The following CEP192 variants were observed in gnomAD, a reference collection of about 807,000 sequenced individuals.
The protein encoded by CEP192 is centrosomal protein 192, also known as centrosomal protein of 192 kDa.
Under a neutral mutation model 271.8 loss-of-function variants are expected in CEP192, and 151 were observed. That is an observed-to-expected ratio of 0.56 (90% CI 0.49 to 0.64). The LOEUF is 0.64. Among genes scored for constraint, CEP192 ranks in the 30% least tolerant of loss-of-function variants. The pLI, the probability that CEP192 is intolerant of heterozygous loss-of-function variation, is 0.00. For missense variants in CEP192, 2,910 were observed against 3,020.5 expected, an observed-to-expected ratio of 0.96 and a Z score of 0.86; for synonymous variants, 995 against 1,076.5, an observed-to-expected ratio of 0.92 and a Z score of 1.48.
intron 14 of CEP192, among the ~76,000 whole-genome samples, chr18:13,041,310 TATG>T (rs1291786006): frequency 9.9e-5 from 15 of 152,186 alleles, no homozygotes; most frequent in Admixed American, 9.8e-4. Context: ...TATGATAATC[TATG>T]ATAATTTTTA....
chr18:13,041,807 C>A (rs1310439814), intron 14 of CEP192, among the ~76,000 whole-genome samples: 1 of 152,152 alleles, frequency 6.6e-6, no homozygotes, highest in Non-Finnish European at 1.5e-5. Context: ...CTCAAGTGAT[C>A]CGCCCACCTC....
chr18:13,073,709 A>G (rs1324473652), intron 30 of CEP192, among the ~76,000 whole-genome samples: 2 of 152,212 alleles, frequency 1.3e-5, no homozygotes, highest in Admixed American at 6.5e-5. Flanking sequence ...GTCCCCACTC[A>G]TCGTGAGAAG....
intron 27 of CEP192, among the ~76,000 whole-genome samples, 168 bp from the exon 28 acceptor site, chr18:13,070,871 G>A (rs2037975396): frequency 6.6e-6 from 1 of 152,194 alleles, no homozygotes; most frequent in South Asian, 2.1e-4. Context: ...ATGCCATTGT[G>A]ATCATCTCTC....
chr18:13,112,496 G>C (rs2040251695), intron 40 of CEP192, among the ~76,000 whole-genome samples: 1 of 152,242 alleles, frequency 6.6e-6, no homozygotes, highest in Admixed American at 6.5e-5. Flanking sequence ...TTCCCAGTAT[G>C]TGCCTAGGGT....
At chr18:12,997,279 C>A (rs532824372) in intron 1 of CEP192, among the ~76,000 whole-genome samples, 1 of 151,946 alleles carries the variant, frequency 6.6e-6, no homozygotes, top group Admixed American at 6.6e-5. Context: ...CCGGCCCAGT[C>A]GGATTAACAT....
intron 3 of CEP192, among the ~76,000 whole-genome samples, chr18:13,005,723 G>A (rs764997547): frequency 6.6e-6 from 1 of 152,244 alleles, no homozygotes; most frequent in Non-Finnish European, 1.5e-5. Context: ...TGGAGGGTCA[G>A]CAGCCTGGAG....
intron 28 of CEP192, among the ~76,000 whole-genome samples, chr18:13,071,677 A>G (rs112434321): frequency 5.3e-5 from 8 of 152,264 alleles, no homozygotes; most frequent in African/African-American, 1.9e-4. Context: ...GGAGAGGGGT[A>G]CCTTAGGAAA....
intron 3 of CEP192, among the ~76,000 whole-genome samples, chr18:13,007,400 G>A (rs2034051735): frequency 6.6e-6 from 1 of 152,102 alleles, no homozygotes; most frequent in South Asian, 2.1e-4. Flanking sequence ...CGAGTGCCCT[G>A]CTCTCAACTG....
chr18:13,094,901 T>G (rs1427104403), intron 34 of CEP192, among the ~76,000 whole-genome samples: 1 of 152,242 alleles, frequency 6.6e-6, no homozygotes, highest in African/African-American at 2.4e-5. Flanking sequence ...ATTTACATTT[T>G]TACTTAATCC....
chr18:12,995,748 T>C (rs542354293), intron 1 of CEP192, among the ~76,000 whole-genome samples: 1 of 152,200 alleles, frequency 6.6e-6, no homozygotes, highest in East Asian at 1.9e-4. Context: ...ATCTGTAGGT[T>C]GAGGAGGCAA....
rs1043424383 is a variant in CEP192, at chr18:13,019,029, T to C, written c.926-53T>C. 3.5e-6 allele frequency: 5 copies of C among 1,447,580 alleles called. 1 individual carries two copies. In the African/African-American group the frequency reaches 4.4e-5, roughly 13 times the overall value. 89.7% of individuals were successfully genotyped at this position (1,447,580 alleles called of 1,614,324 possible). The stretch of plus-strand genomic sequence containing the variant: ...GACTGGCAAGAATCAGTTATTATGT[T>C]AGATTACTCAGATTTGATGTGGCTC... On this transcript the variant is annotated intron_variant, in intron 8 of 44. Transcript: ENST00000506447.
At chr18:13,100,210 G>C (rs1220180207) in intron 37 of CEP192, 95 bp from the exon 38 acceptor site, 6 of 785,284 alleles carry the variant, frequency 7.6e-6, no homozygotes, top group Non-Finnish European at 1.3e-5. Context: ...TGTTTGTTTG[G>C]CATTTCTTTT....
intron 32 of CEP192, chr18:13,088,999 T>C: frequency 2.6e-6 from 1 of 379,302 alleles, no homozygotes; most frequent in Non-Finnish European, 5.2e-6. Flanking sequence ...GTGAGATTTT[T>C]TTTGTGGACA....
chr18:13,054,002 A>G (rs1205813233), intron 18 of CEP192, among the ~76,000 whole-genome samples: 1 of 152,086 alleles, frequency 6.6e-6, no homozygotes. Context: ...AATTAAAACA[A>G]ATTTTTTTAG....
At chr18:13,011,047 T>C (rs1006910357) in intron 4 of CEP192, among the ~76,000 whole-genome samples, 2 of 151,478 alleles carry the variant, frequency 1.3e-5, no homozygotes, top group African/African-American at 2.4e-5. Flanking sequence ...GCCAACATGG[T>C]GAACCCCTGC....
Position 13,015,457 on chromosome 18 carries a change from G to T in CEP192, c.640+9G>T. ...CTTGGAAGATTCTTCTGGTACTGCA[G>T]AGTAACCTGTGTTTCCCTGGTCTTC... is the stretch of plus-strand genomic sequence containing the variant. On this transcript the variant is annotated intron_variant, in intron 6 of 44. Transcript: ENST00000506447. 1 of 1,550,722 alleles carries T rather than the reference G, an allele frequency of 6.4e-7. No individual in the cohort carries two copies. Among genetic ancestry groups the T allele is most frequent in the South Asian group, 1.2e-5 (1 of 83,936 alleles).
chr18:13,013,886 G>A (rs1241165844), intron 5 of CEP192, among the ~76,000 whole-genome samples: 2 of 152,220 alleles, frequency 1.3e-5, no homozygotes, highest in African/African-American at 4.8e-5. Flanking sequence ...GAATGCAAAA[G>A]GGTCTAAAGT....
intron 40 of CEP192, among the ~76,000 whole-genome samples, chr18:13,105,411 G>A (rs2144955696): frequency 1.3e-5 from 2 of 152,292 alleles, no homozygotes; most frequent in East Asian, 1.9e-4. Context: ...GGTATTTGTG[G>A]CATAGTCAAC....
At position 13,048,452 on chromosome 18, in the gene CEP192, G is replaced by A. The variant is rs190784675; in HGVS notation, c.2068-407G>A. On this transcript the variant is annotated intron_variant, in intron 15 of 44. Transcript: ENST00000506447. Reference sequence around the variant, plus strand: ...TTGCCTGCAATTTGGATACACCAGAGAGGAGCTATCAAGTGCTTCCTTCAA... The same window carrying A: ...TTGCCTGCAATTTGGATACACCAGAAAGGAGCTATCAAGTGCTTCCTTCAA... Among the ~76,000 whole-genome samples the A allele has an allele frequency of 7.2e-5, 11 of 152,328 alleles. 1 individual carries two copies. The East Asian group carries it at 1.9e-3, about 27-fold the overall frequency.
Sources: allele counts gnomAD v4.1 joint callset (sites outside exome capture counted in the v4.1 genomes callset), GRCh38; gene constraint gnomAD v4.1.1; transcripts MANE v1.5; gene names NCBI Gene and HGNC (gene_info 2026-07-23, HGNC 2026-07-21).